MBTPS1: variants seen among roughly 807,000 people sequenced by gnomAD.
MBTPS1 encodes membrane bound transcription factor peptidase, site 1, also known as membrane-bound transcription factor site-1 protease.
In MBTPS1, 94 loss-of-function variants were observed where a neutral mutation model predicts 127.8. The ratio of observed to expected loss-of-function variants is 0.74; its 90% CI spans 0.62 to 0.87. The LOEUF (loss-of-function observed/expected upper bound fraction) is 0.87. MBTPS1 is among the 40% of genes least tolerant of loss of function. MBTPS1 has a pLI of 0.00. For missense variants in MBTPS1, 1,636 were observed against 1,353.2 expected, an observed-to-expected ratio of 1.21 and a Z score of -3.28; for synonymous variants, 632 against 509.4, an observed-to-expected ratio of 1.24 and a Z score of -3.24.
chr16:84,084,105 G>A (rs552768025), intron 10 of MBTPS1, among the ~76,000 whole-genome samples: 3 of 152,202 alleles, frequency 2.0e-5, no homozygotes, highest in East Asian at 1.9e-4. Flanking sequence ...GATTACAGCC[G>A]CCCACCACCA....
In MBTPS1 at chr16:84,101,810, T is replaced by G; in HGVS notation, c.-27A>C. The G allele has an allele frequency of 6.3e-7, 1 of 1,590,588 alleles. No homozygotes were observed. The highest frequency in any genetic ancestry group is 1.4e-5 in the African/African-American group (1 of 74,066). On this transcript the variant is annotated 5_prime_UTR_variant, in exon 2 of 23. Coordinates refer to ENST00000343411, the MANE Select transcript of MBTPS1 (RefSeq NM_003791.4). The stretch of plus-strand genomic sequence containing the variant: ...GTCACAAGCGAATATGATCATAAAA[T>G]TGCATATATTCAAATCACACTTTTT...
intron 10 of MBTPS1, among the ~76,000 whole-genome samples, chr16:84,083,025 A>T (rs2085963318): frequency 6.6e-6 from 1 of 152,168 alleles, no homozygotes; most frequent in South Asian, 2.1e-4. Flanking sequence ...ATCTGTACTT[A>T]AAGAAGCTGC....
rs764837838 is a variant in MBTPS1, at chr16:84,067,753, C to T, written c.2142G>A (p.Val714=). The T allele has an allele frequency of 1.1e-5, 18 of 1,613,932 alleles. No individual in the cohort carries two copies. In the Admixed American group the frequency reaches 1.8e-4, roughly 16 times the overall value. The change falls in exon 16 of 23, where the codon GTG becomes GTA. Residue 714 remains valine (V), a synonymous_variant. Coordinates refer to ENST00000343411, the MANE Select transcript of MBTPS1 (RefSeq NM_003791.4). ...PEEIAKLRRD[V]DNGLSLVIFS... is the part of the protein sequence containing the mutation. The stretch of plus-strand genomic sequence containing the variant: ...AGATGACGAGCGAGAGGCCGTTGTC[C>T]ACGTCCCTCCGGAGCTTGGCGATCT...
At chr16:84,086,672 G>C (rs1420237648) in intron 9 of MBTPS1, 1 of 152,300 alleles carries the variant, frequency 6.6e-6, no homozygotes, top group Non-Finnish European at 1.5e-5. Context: ...AGGCCTCCGA[G>C]TGTGGCATGT....
In MBTPS1 at chr16:84,070,782, G is replaced by A. The variant is rs1273714106; in HGVS notation, c.1594-6C>T. The A allele has an allele frequency of 6.3e-7, 1 of 1,593,938 alleles. No homozygotes were observed. Among genetic ancestry groups the A allele is most frequent in the East Asian group, 2.3e-5 (1 of 44,168 alleles). On this transcript the variant is annotated splice_polypyrimidine_tract_variant and splice_region_variant and intron_variant, in intron 12 of 22. Coordinates refer to ENST00000343411, the MANE Select transcript of MBTPS1 (RefSeq NM_003791.4). ...AAATAGGGCTGCCAGTCAGGCTGCA[G>A]GAAAAAGAAATCAGACAAAGGCTAA...
chr16:84,100,999 CAAAAAAA>C, intron 2 of MBTPS1, among the ~76,000 whole-genome samples: 1 of 68,554 alleles, frequency 1.5e-5, no homozygotes, highest in East Asian at 5.7e-4. Context: ...ACTAAAAATA[CAAAAAAA>C]AAAAAAAAAA....
intron 1 of MBTPS1, among the ~76,000 whole-genome samples, chr16:84,104,307 C>G (rs1248138411): frequency 6.6e-6 from 1 of 151,824 alleles, no homozygotes; most frequent in African/African-American, 2.4e-5. Flanking sequence ...GTGGAGAAAC[C>G]TCATCTCTAC....
At chr16:84,097,970 G>C (rs1172459045) in intron 3 of MBTPS1, among the ~76,000 whole-genome samples, 1 of 151,716 alleles carries the variant, frequency 6.6e-6, no homozygotes, top group Non-Finnish European at 1.5e-5. Flanking sequence ...TCCTTCTGAT[G>C]AAAGAAATGA....
intron 21 of MBTPS1, 149 bp downstream of exon 21, chr16:84,059,153 C>G (rs147749094): frequency 1.5e-5 from 15 of 1,014,360 alleles, no homozygotes; most frequent in Non-Finnish European, 2.1e-5. Flanking sequence ...AAGGCCAATA[C>G]GAGGTTCACT....
In MBTPS1 at chr16:84,060,629, C is replaced by G. The variant is rs575075488; in HGVS notation, c.2704+53G>C. 9.5e-6 allele frequency: 15 copies of G among 1,586,860 alleles called. No individual in the cohort carries two copies. The South Asian group carries it at 1.7e-4, about 18-fold the overall frequency. On this transcript the variant is annotated intron_variant, in intron 20 of 22. Coordinates refer to ENST00000343411, the MANE Select transcript of MBTPS1 (RefSeq NM_003791.4). ...GCACAGCCACTGGCTGAAGTAGCAT[C>G]ATGTTCAGCTGGATCCAATTCCCTC... is the stretch of plus-strand genomic sequence containing the variant.
At chr16:84,085,578 C>CCA (rs2086009694) in intron 9 of MBTPS1, among the ~76,000 whole-genome samples, 2 of 101,458 alleles carry the variant, frequency 2.0e-5, no homozygotes, top group Non-Finnish European at 4.4e-5. Context: ...CCCGCCCCCC[C>CCA]CCCAAAAAAA....
rs373485143 is a variant in MBTPS1, at chr16:84,060,838, G to A, written c.2573-25C>T. 2.2e-5 allele frequency: 34 copies of A among 1,544,014 alleles called. No individual in the cohort carries two copies. In the Admixed American group the frequency reaches 2.4e-4, roughly 11 times the overall value. Reference sequence around the variant, plus strand: ...TCTGCGAAGTCAACAAGCCTGTTTAGGAATTCCTTTTTTTTTTTCCAGACA... The same window carrying A: ...TCTGCGAAGTCAACAAGCCTGTTTAAGAATTCCTTTTTTTTTTTCCAGACA... On this transcript the variant is annotated intron_variant, in intron 19 of 22. Transcript: ENST00000343411.
chr16:84,069,283 A>G (rs1438678351), intron 14 of MBTPS1, among the ~76,000 whole-genome samples: 2 of 152,230 alleles, frequency 1.3e-5, no homozygotes, highest in Non-Finnish European at 2.9e-5. Flanking sequence ...GAACAGGCAC[A>G]GGGAGAGCGG....
intron 18 of MBTPS1, among the ~76,000 whole-genome samples, chr16:84,064,835 T>A (rs886078218): frequency 6.6e-6 from 1 of 152,178 alleles, no homozygotes; most frequent in African/African-American, 2.4e-5. Context: ...CCCTTCCAGG[T>A]AATATAAAAA....
chr16:84,090,954 G>A lies in MBTPS1; in HGVS notation c.964-12C>T. ...GTTAATTCCCACACCTACAAAAGGA[G>A]CATTTATTTAATGAAAGTATCCCTT... On this transcript the variant is annotated splice_polypyrimidine_tract_variant and intron_variant, in intron 7 of 22. Coordinates refer to ENST00000343411, the MANE Select transcript of MBTPS1 (RefSeq NM_003791.4). 6.3e-7 allele frequency: 1 copy of A among 1,578,666 alleles called. No homozygotes were observed. Among genetic ancestry groups the A allele is most frequent in the Non-Finnish European group, 8.7e-7 (1 of 1,152,490 alleles).
intron 22 of MBTPS1, among the ~76,000 whole-genome samples, chr16:84,055,327 T>C (rs2085506500): frequency 6.6e-6 from 1 of 152,190 alleles, no homozygotes; most frequent in African/African-American, 2.4e-5. Context: ...ATCCCATTTC[T>C]GGACAATTCC....
intron 12 of MBTPS1, among the ~76,000 whole-genome samples, chr16:84,071,236 G>C (rs142585275): frequency 1.3e-5 from 2 of 152,334 alleles, no homozygotes; most frequent in East Asian, 3.9e-4. Context: ...AGAGGTGGCC[G>C]GAGGGAGGAC....
chr16:84,112,744 A>G (rs2086416610), intron 1 of MBTPS1, among the ~76,000 whole-genome samples: 1 of 151,678 alleles, frequency 6.6e-6, no homozygotes, highest in South Asian at 2.1e-4. Context: ...GGAGGCCGAG[A>G]CGGGCAGATC....
intron 3 of MBTPS1, among the ~76,000 whole-genome samples, chr16:84,096,892 C>T (rs1324376225): frequency 2.6e-5 from 4 of 152,208 alleles, no homozygotes; most frequent in Non-Finnish European, 2.9e-5. Flanking sequence ...TGACCCTGCA[C>T]AGGCCAGACT....
Sources: gnomAD v4.1 joint callset for allele counts (sites outside exome capture counted in the v4.1 genomes callset) on GRCh38, gnomAD v4.1.1 for gene constraint, MANE v1.5 for transcripts, NCBI Gene and HGNC (gene_info 2026-07-23, HGNC 2026-07-21) for gene names.